Variants in LRP4 observed in about 807,000 individuals in gnomAD.
The protein encoded by LRP4 is LDL receptor related protein 4, also known as low-density lipoprotein receptor-related protein 4.
Under a neutral mutation model 220.3 loss-of-function variants are expected in LRP4, and 95 were observed. The ratio of observed to expected loss-of-function variants is 0.43; its 90% CI spans 0.37 to 0.51. The LOEUF (loss-of-function observed/expected upper bound fraction) is 0.51. Ranked by LOEUF, LRP4 falls within the 20% of genes least tolerant of loss-of-function variation. The probability of loss-of-function intolerance (pLI) is 0.00; values close to 1 mark genes in which losing one functional copy is unlikely to be tolerated. For synonymous variants in LRP4, 903 were observed against 954.6 expected, an observed-to-expected ratio of 0.95 and a Z score of 1.00; for missense variants, 1,925 against 2,567.0, an observed-to-expected ratio of 0.75 and a Z score of 5.40.
At chr11:46,916,986 G>C (rs1360667744) in intron 1 of LRP4, among the ~76,000 whole-genome samples, 1 of 152,226 alleles carries the variant, frequency 6.6e-6, no homozygotes, top group East Asian at 1.9e-4. Context: ...GGCCGGCCAA[G>C]CTACCGCTCT....
In LRP4 at chr11:46,918,428, G is replaced by A. The variant is rs1242393871; in HGVS notation, c.-49C>T. On this transcript the variant is annotated 5_prime_UTR_variant, in exon 1 of 38. Coordinates refer to ENST00000378623, the MANE Select transcript of LRP4 (RefSeq NM_002334.4). The surrounding 1 kb of genome is among the most constrained non-coding windows in gnomAD (Gnocchi z 6.0). ...GGGGTCCCGCCGGCTCCCGCCGGAC[G>A]GCGCGGCGGAGAAGCCCGCGGAGGG... 3 of 1,306,728 alleles carry A rather than the reference G, an allele frequency of 2.3e-6. No individual in the cohort carries two copies. In the African/African-American group the frequency reaches 4.7e-5, roughly 20 times the overall value. 80.9% of individuals were successfully genotyped at this position (1,306,728 alleles called of 1,614,324 possible).
chr11:46,893,414 C>T (rs1479444076), intron 12 of LRP4, among the ~76,000 whole-genome samples: 1 of 152,196 alleles, frequency 6.6e-6, no homozygotes, highest in African/African-American at 2.4e-5. Context: ...GTCTCCCTGA[C>T]GCATTCCCAG....
In LRP4 at chr11:46,876,405, C is replaced by T. The variant is rs1429543814; in HGVS notation, c.3536+61G>A. ...TCCTCTCCACTACCCACCTTTACCC[C>T]GTCATAACCCCAGCTGAGCTGGCCC... is the stretch of plus-strand genomic sequence containing the variant. On this transcript the variant is annotated intron_variant, in intron 25 of 37. Transcript: ENST00000378623. 1.1e-5 allele frequency: 18 copies of T among 1,602,230 alleles called. No individual in the cohort carries two copies. The East Asian group carries it at 1.6e-4, about 14-fold the overall frequency.
intron 7 of LRP4, among the ~76,000 whole-genome samples, chr11:46,897,628 G>A (rs1407814044): frequency 4.7e-5 from 7 of 149,364 alleles, no homozygotes; most frequent in Admixed American, 6.7e-5. Flanking sequence ...ATCTTGCACC[G>A]CCCTTAATCC....
intron 1 of LRP4, among the ~76,000 whole-genome samples, chr11:46,912,556 T>C (rs930983894): frequency 6.6e-6 from 1 of 152,154 alleles, no homozygotes; most frequent in Non-Finnish European, 1.5e-5. Flanking sequence ...GCCTCTCCAC[T>C]TGGTTAGAAG....
chr11:46,917,046 C>A (rs770706457), intron 1 of LRP4, among the ~76,000 whole-genome samples: 25 of 152,212 alleles, frequency 1.6e-4, no homozygotes, highest in Non-Finnish European at 3.2e-4. Flanking sequence ...GAAAAAAGCC[C>A]CTGAAAACCC....
Position 46,896,312 on chromosome 11 carries a change from G to C in LRP4, c.946C>G (p.Gln316Glu). 1 of 1,614,058 alleles carries C rather than the reference G, an allele frequency of 6.2e-7. No homozygotes were observed. The highest frequency in any genetic ancestry group is 8.5e-7 in the Non-Finnish European group (1 of 1,180,032). Residue 316 changes from glutamine (Q) to glutamate (E), a missense_variant, in exon 9 of 38, where the codon CAG (glutamine) becomes GAG (glutamate). Gln to Glu is a conservative substitution (Grantham distance 29). This residue lies in a region of LRP4 where 412 missense variants were observed against 505.4 expected (regional missense o/e 0.82). Coordinates refer to ENST00000378623, the MANE Select transcript of LRP4 (RefSeq NM_002334.4). The stretch of plus-strand genomic sequence containing the variant: ...CAGCGCCCATTCCAACACAGGAACT[G>C]GTCCAAGGCACATTGGGGGCTTCCT... ...NTGSPQCALD[Q>E]FLCWNGRCIG...
chr11:46,868,968 C>A lies in LRP4; in HGVS notation c.4837+20G>T. The A allele has an allele frequency of 6.2e-7, 1 of 1,614,158 alleles. No homozygotes were observed. The highest frequency in any genetic ancestry group is 1.7e-4 in the Middle Eastern group (1 of 6,050). ...ATCCCACAGATGTTAAGGAAGCAGG[C>A]TCAGTACCCGGGAGCCCACCTGTCT... On this transcript the variant is annotated intron_variant, in intron 32 of 37. Transcript: ENST00000378623.
chr11:46,912,853 G>A (rs928072873), intron 1 of LRP4, among the ~76,000 whole-genome samples: 5 of 152,198 alleles, frequency 3.3e-5, no homozygotes, highest in African/African-American at 7.2e-5. Context: ...GGAGCTTCCC[G>A]GCTCCAGAAA....
chr11:46,907,919 G>C (rs763624319), intron 1 of LRP4, among the ~76,000 whole-genome samples: 5 of 152,134 alleles, frequency 3.3e-5, no homozygotes, highest in Non-Finnish European at 7.3e-5. Flanking sequence ...CACAGCAAAA[G>C]CTTCATAATA....
intron 2 of LRP4, among the ~76,000 whole-genome samples, chr11:46,901,935 G>A (rs950299486): frequency 2.6e-5 from 4 of 151,886 alleles, no homozygotes; most frequent in East Asian, 1.9e-4. Context: ...GGGTTTCAGC[G>A]TATTAGCCAG....
intron 2 of LRP4, among the ~76,000 whole-genome samples, chr11:46,900,766 C>T: frequency 6.6e-6 from 1 of 151,048 alleles, no homozygotes; most frequent in East Asian, 1.9e-4. Flanking sequence ...GCTGGGATTA[C>T]AGGCATGAGC....
At chr11:46,892,058 G>A (rs1256378191) in intron 13 of LRP4, among the ~76,000 whole-genome samples, 3 of 152,096 alleles carry the variant, frequency 2.0e-5, no homozygotes, top group Admixed American at 6.6e-5. Context: ...AGCCTCCCAC[G>A]TAGCTGGGAC....
At chr11:46,861,073 G>A in intron 37 of LRP4, 1 of 395,548 alleles carries the variant, frequency 2.5e-6, no homozygotes, top group African/African-American at 2.2e-5. Flanking sequence ...TTCTTTTCTG[G>A]AGCATCAGAT....
chr11:46,898,033 CGGCTGGCCGGGCGGGG>C (rs1941579656), intron 7 of LRP4, among the ~76,000 whole-genome samples: 1 of 145,114 alleles, frequency 6.9e-6, no homozygotes, highest in South Asian at 2.1e-4. Flanking sequence ...CCGGACGGGG[CGGCTGGCCGGGCGGGG>C]GGCTGACCCC....
Position 46,890,279 on chromosome 11 carries a change from T to C in LRP4, c.1913A>G (p.Gln638Arg). ...DGSHRKAVISQGLPHPFAITV... is the reference protein window; with the variant it reads ...DGSHRKAVISRGLPHPFAITV... ...GGAGACTGAAGGAAGGGGCTCACCC[T>C]GGCTAATGACAGCCTTACGGTGACT... Residue 638 changes from glutamine (Q) to arginine (R), a missense_variant and splice_region_variant, in exon 14 of 38, where the codon CAG (glutamine) becomes CGG (arginine). Gln to Arg is a conservative substitution (Grantham distance 43). Around this residue, in one of 3 missense-constraint regions of LRP4, gnomAD observed 269 missense variants for 436.7 expected, o/e 0.62. Coordinates refer to ENST00000378623, the MANE Select transcript of LRP4 (RefSeq NM_002334.4). The surrounding 1 kb of genome is among the most constrained non-coding windows in gnomAD (Gnocchi z 5.3). 1 of 1,614,160 alleles carries C rather than the reference T, an allele frequency of 6.2e-7. No individual in the cohort carries two copies. The highest frequency in any genetic ancestry group is 8.5e-7 in the Non-Finnish European group (1 of 1,179,988).
At chr11:46,874,369 T>C (rs957057551) in intron 28 of LRP4, 6 of 170,618 alleles carry the variant, frequency 3.5e-5, no homozygotes, top group Admixed American at 3.3e-4. Context: ...ATTTAAAGAC[T>C]AAAAATAAAA....
intron 36 of LRP4, chr11:46,862,965 TAGGTTACCA>T: frequency 1.8e-6 from 1 of 570,648 alleles, no homozygotes; most frequent in Non-Finnish European, 3.1e-6. Flanking sequence ...GCTACTAGAT[TAGGTTACCA>T]AGAAACTGGT....
chr11:46,882,687 A>AC (rs1438421217), intron 19 of LRP4, among the ~76,000 whole-genome samples: 1 of 150,078 alleles, frequency 6.7e-6, no homozygotes, highest in Non-Finnish European at 1.5e-5. Context: ...CCCCATCTCT[A>AC]CAAAAAAAAA....
Sources: allele counts gnomAD v4.1 joint callset (sites outside exome capture counted in the v4.1 genomes callset), GRCh38; gene constraint gnomAD v4.1.1; regional missense constraint gnomAD v4.1.1; non-coding constraint Gnocchi (gnomAD v3.1); transcripts MANE v1.5; gene names NCBI Gene and HGNC (gene_info 2026-07-23, HGNC 2026-07-21).